RANBP2: variants seen among roughly 807,000 people sequenced by gnomAD.
RANBP2 encodes RAN binding protein 2.
Under a neutral mutation model 303.6 loss-of-function variants are expected in RANBP2, and 57 were observed. The ratio of observed to expected loss-of-function variants is 0.19; its 90% confidence interval spans 0.15 to 0.23. RANBP2 has a LOEUF of 0.23. Among genes scored for constraint, RANBP2 ranks in the 10% least tolerant of loss-of-function variants. RANBP2 has a pLI of 1.00. For synonymous variants in RANBP2, 1,167 were observed against 1,301.5 expected (o/e 0.90, Z 2.23); for missense variants, 3,138 against 3,780.8 (o/e 0.83, Z 4.46).
At chr2:109,679,736 C>T in the RANBP2 span, among the ~76,000 whole-genome samples, 5 of 152,206 alleles carry the variant, frequency 3.3e-5, no homozygotes, top group Non-Finnish European at 7.3e-5. Context: ...TGGGTCCTAA[C>T]TCCATTCCTG....
the RANBP2 span, among the ~76,000 whole-genome samples, chr2:109,210,847 T>C: frequency 8.5e-5 from 13 of 152,362 alleles, 1 homozygote; most frequent in East Asian, 5.8e-4. Flanking sequence ...TAAAAATCTA[T>C]TTACAACCTA....
At chr2:109,278,016 A>AAAC in the RANBP2 span, among the ~76,000 whole-genome samples, 1 of 147,786 alleles carries the variant, frequency 6.8e-6, no homozygotes, top group Non-Finnish European at 1.5e-5. Context: ...CTAACAAAAA[A>AAAC]AAAAAAAAAA....
the RANBP2 span, among the ~76,000 whole-genome samples, chr2:109,066,787 G>A: frequency 1.3e-5 from 2 of 152,100 alleles, no homozygotes; most frequent in African/African-American, 4.8e-5. Context: ...GTTACAGGAG[G>A]AGATTATGAC....
the RANBP2 span, among the ~76,000 whole-genome samples, chr2:109,264,213 G>A: frequency 2.5e-4 from 29 of 114,978 alleles, no homozygotes; most frequent in South Asian, 1.2e-3. Flanking sequence ...ACCTCCCCAG[G>A]ATCCACTCCG....
intron 12 of RANBP2, among the ~76,000 whole-genome samples, chr2:108,752,300 C>T (rs541451252): frequency 1.3e-5 from 2 of 151,842 alleles, no homozygotes; most frequent in Non-Finnish European, 2.9e-5. Flanking sequence ...TAGGTAAGAC[C>T]ATTATAGATC....
chr2:109,419,521 C>A, the RANBP2 span: 6 of 1,577,640 alleles, frequency 3.8e-6, no homozygotes, highest in Non-Finnish European at 4.3e-6. Flanking sequence ...ACTCCTGTCC[C>A]CTCTTGTCTG....
At chr2:109,376,281 C>T in the RANBP2 span, among the ~76,000 whole-genome samples, 2 of 152,234 alleles carry the variant, frequency 1.3e-5, no homozygotes, top group Admixed American at 6.5e-5. Context: ...TCAACAATAC[C>T]AGGACACAGG....
the RANBP2 span, among the ~76,000 whole-genome samples, chr2:109,611,399 G>A: frequency 7.0e-4 from 106 of 150,504 alleles, 1 homozygote; most frequent in African/African-American, 2.5e-3. Flanking sequence ...ATAAACTACA[G>A]ACTGAAAGAG....
At chr2:109,615,307 T>G in the RANBP2 span, 2 of 1,606,054 alleles carry the variant, frequency 1.2e-6, no homozygotes. Context: ...GCGTGGATGC[T>G]CTCTGCCTCC....
rs368970330 is a variant in RANBP2, at chr2:108,764,400, T to C, written c.3861T>C (p.Thr1287=). ...KPEQLAIRFK[T]PEEAALFKCK... ...AACAACTTGCTATTAGGTTCAAAAC[T>C]CCTGAGGAAGCAGCACTTTTTAAAT... Residue 1287 remains threonine, a synonymous_variant, in exon 20 of 29, where the codon ACT becomes ACC. Coordinates refer to ENST00000283195, the MANE Select transcript of RANBP2 (RefSeq NM_006267.5). 2 of 1,613,974 alleles carry C rather than the reference T, an allele frequency of 1.2e-6. No homozygotes were observed. Among genetic ancestry groups the C allele is most frequent in the Non-Finnish European group, 8.5e-7 (1 of 1,179,956 alleles).
chr2:109,212,303 A>G, the RANBP2 span, among the ~76,000 whole-genome samples: 12 of 152,182 alleles, frequency 7.9e-5, no homozygotes, highest in African/African-American at 2.7e-4. Flanking sequence ...TTGGCTCGCT[A>G]TGGAGGAGGG....
At chr2:108,786,825 G>A (rs1304318993), downstream of RANBP2, 1 of 1,589,434 alleles carries the variant, frequency 6.3e-7, no homozygotes, top group Admixed American at 1.8e-5. Context: ...TGTGTGCTAT[G>A]GAGCCGAGGG....
chr2:108,955,762 C>T, the RANBP2 span, among the ~76,000 whole-genome samples: 3 of 152,136 alleles, frequency 2.0e-5, no homozygotes, highest in Non-Finnish European at 4.4e-5. Context: ...CGCGGTGGCT[C>T]ATGCCTGTAA....
the RANBP2 span, among the ~76,000 whole-genome samples, chr2:109,093,406 T>TAAAAAAAAAAAAAAAAAA: frequency 5.5e-5 from 5 of 90,714 alleles, no homozygotes; most frequent in Non-Finnish European, 8.7e-5. Context: ...CGGAGATTTG[T>TAAAAAAAAAAAAAAAAAA]AAAAAAAAAA....
the RANBP2 span, among the ~76,000 whole-genome samples, chr2:109,015,118 CAAA>C: frequency 1.5e-5 from 1 of 68,810 alleles, no homozygotes; most frequent in East Asian, 8.8e-4. Context: ...GACTCCATCT[CAAA>C]AAAAAAAAAA....
the RANBP2 span, among the ~76,000 whole-genome samples, chr2:109,241,199 A>C: frequency 1.9e-4 from 29 of 152,294 alleles, 1 homozygote; most frequent in East Asian, 5.4e-3. Context: ...TCAAAACAAA[A>C]ACTCTCTGAA....
In RANBP2 at chr2:108,768,857, A is replaced by T. The variant is rs555658978; in HGVS notation, c.7849+469A>T. On this transcript the variant is annotated intron_variant, in intron 20 of 28. Coordinates refer to ENST00000283195, the MANE Select transcript of RANBP2 (RefSeq NM_006267.5). ...AGACCAGCCTGGCCAGCATGGTGAAACCCTGTTTCTACTGAAAATACAAAA... is the reference window on the plus strand; with the variant it reads ...AGACCAGCCTGGCCAGCATGGTGAATCCCTGTTTCTACTGAAAATACAAAA... 2.6e-5 allele frequency among the ~76,000 whole-genome samples: 4 copies of T among 152,108 alleles called. No homozygotes were observed. In the East Asian group the frequency reaches 7.7e-4, roughly 29 times the overall value.
chr2:108,772,950 A>T lies in RANBP2; in HGVS notation c.8196A>T (p.Pro2732=). The change falls in exon 23 of 29, where the codon CCA becomes CCT. Residue 2732 remains proline, a synonymous_variant. Coordinates refer to ENST00000283195, the MANE Select transcript of RANBP2 (RefSeq NM_006267.5). ...CAAAAGCAGATACGTTAAAACTTCC[A>T]CCTACATTTTTTTGTGGAGTCTGTA... is the stretch of plus-strand genomic sequence containing the variant. ...EKAKADTLKL[P]PTFFCGVCSD... 1 of 1,614,054 alleles carries T rather than the reference A, an allele frequency of 6.2e-7. No homozygotes were observed. The highest frequency in any genetic ancestry group is 8.5e-7 in the Non-Finnish European group (1 of 1,179,950).
At chr2:109,243,057 T>C in the RANBP2 span, among the ~76,000 whole-genome samples, 2 of 152,232 alleles carry the variant, frequency 1.3e-5, no homozygotes, top group African/African-American at 2.4e-5. Flanking sequence ...GTGAGAACAA[T>C]GAAATCGGCT....
Sources: gnomAD v4.1 joint callset for allele counts (sites outside exome capture counted in the v4.1 genomes callset) on GRCh38, gnomAD v4.1.1 for gene constraint, MANE v1.5 for transcripts, NCBI Gene and HGNC (gene_info 2026-07-23, HGNC 2026-07-21) for gene names.